DEUP1: variants seen among roughly 807,000 people sequenced by gnomAD.
The protein encoded by DEUP1 is deuterosome assembly protein 1.
Under a neutral mutation model 87.4 loss-of-function variants are expected in DEUP1, and 82 were observed. That is an observed-to-expected ratio of 0.94 (90% CI 0.78 to 1.13). The LOEUF (loss-of-function observed/expected upper bound fraction) is 1.13, where lower values mean the gene tolerates loss of function less well. Among genes scored for constraint, DEUP1 ranks in the 50% most tolerant of loss-of-function variants. The probability of loss-of-function intolerance (pLI) is 0.00; values close to 1 mark genes in which losing one functional copy is unlikely to be tolerated. For synonymous variants in DEUP1, 214 were observed against 222.7 expected, an observed-to-expected ratio of 0.96 and a Z score of 0.35; for missense variants, 663 against 681.5, an observed-to-expected ratio of 0.97 and a Z score of 0.30.
rs1945306862 is a variant in DEUP1, at chr11:93,364,200, A to G, written c.338A>G (p.His113Arg). 3 of 1,603,376 alleles carry G rather than the reference A, an allele frequency of 1.9e-6. No individual in the cohort carries two copies. Among genetic ancestry groups the G allele is most frequent in the Non-Finnish European group, 2.6e-6 (3 of 1,171,314 alleles). The change falls in exon 5 of 14, where the codon CAT (histidine) becomes CGT (arginine). Residue 113 changes from histidine to arginine, a missense_variant. His to Arg is a conservative substitution (Grantham distance 29, BLOSUM62 0). Transcript: ENST00000298050. ...LTNNFEKLRL[H>R]QMKQNKVPRK... is the part of the protein sequence containing the mutation. ...AATAACTTTGAAAAACTGAGATTAC[A>G]TCAGATGAAACAAAACAAAGTTCCA...
chr11:93,349,290 T>C (rs928540216), intron 2 of DEUP1, among the ~76,000 whole-genome samples: 2 of 152,120 alleles, frequency 1.3e-5, no homozygotes, highest in Admixed American at 6.5e-5. Flanking sequence ...AGCTCTACCA[T>C]TGGACCCCTC....
chr11:93,386,914 G>A (rs983098042), intron 8 of DEUP1, among the ~76,000 whole-genome samples: 2 of 152,180 alleles, frequency 1.3e-5, no homozygotes, highest in Non-Finnish European at 2.9e-5. Flanking sequence ...TTTGTGAAGA[G>A]CATTGTAGGT....
chr11:93,394,466 GC>G lies in DEUP1; in HGVS notation c.1051del (p.Gln351AsnfsTer16). 6.4e-7 allele frequency: 1 copy of G among 1,562,816 alleles called. No individual in the cohort carries two copies. Among genetic ancestry groups the G allele is most frequent in the Non-Finnish European group, 8.6e-7 (1 of 1,159,894 alleles). On this transcript the variant is annotated frameshift_variant, in exon 10 of 14. Transcript: ENST00000298050. LOFTEE classifies it high-confidence loss of function. ...NHEKELNKIR[S>X]QLQQVEEYHN... is the part of the protein sequence containing the mutation. ...AGTCTCTATCTGCTGCAGATAAGAA[GC>G]CAACTCCAACAGGTGGAAGAGTACC...
At chr11:93,375,425 G>A (rs915947799) in intron 7 of DEUP1, among the ~76,000 whole-genome samples, 60 of 152,162 alleles carry the variant, frequency 3.9e-4, no homozygotes, top group Middle Eastern at 3.4e-3. Flanking sequence ...TGGGTTTGTC[G>A]TAGATGGCTT....
chr11:93,336,002 A>G (rs1380478532), intron 2 of DEUP1, among the ~76,000 whole-genome samples: 1 of 152,126 alleles, frequency 6.6e-6, no homozygotes, highest in Non-Finnish European at 1.5e-5. Context: ...AATACCAGCT[A>G]CTCAGGAGGC....
intron 7 of DEUP1, chr11:93,383,401 A>G (rs1212296407): frequency 4.7e-6 from 2 of 427,886 alleles, no homozygotes; most frequent in Non-Finnish European, 8.3e-6. Flanking sequence ...TTTGTATGAA[A>G]CATCTAGAAT....
intron 11 of DEUP1, among the ~76,000 whole-genome samples, chr11:93,406,000 T>TAGA (rs1947265919): frequency 6.6e-6 from 1 of 151,976 alleles, no homozygotes; most frequent in Non-Finnish European, 1.5e-5. Flanking sequence ...ATCTGAGGAG[T>TAGA]AGAAAGAACT....
chr11:93,366,421 A>G (rs1945419247), intron 5 of DEUP1, among the ~76,000 whole-genome samples: 1 of 152,174 alleles, frequency 6.6e-6, no homozygotes, highest in Non-Finnish European at 1.5e-5. Flanking sequence ...ACCCTGATCC[A>G]CTCTAAACCT....
intron 9 of DEUP1, among the ~76,000 whole-genome samples, chr11:93,391,988 T>C (rs1439801826): frequency 6.6e-6 from 1 of 152,172 alleles, no homozygotes; most frequent in Non-Finnish European, 1.5e-5. Context: ...TGAGGTTCGA[T>C]CATGTGATTT....
chr11:93,343,245 T>G (rs1323673500), intron 2 of DEUP1, among the ~76,000 whole-genome samples: 1 of 152,204 alleles, frequency 6.6e-6, no homozygotes, highest in Non-Finnish European at 1.5e-5. Context: ...CCCTGTGGGA[T>G]CCAATGAAAC....
Position 93,377,151 on chromosome 11 carries a change from A to T in DEUP1, c.789+5871A>T, listed in dbSNP as rs367886934. Among the ~76,000 whole-genome samples, 9 of 152,276 alleles carry T rather than the reference A, an allele frequency of 5.9e-5. No homozygotes were observed. In the East Asian group the frequency reaches 1.5e-3, roughly 26 times the overall value. On this transcript the variant is annotated intron_variant, in intron 7 of 13. Coordinates refer to ENST00000298050, the MANE Select transcript of DEUP1 (RefSeq NM_181645.4). ...TCCATTTGTTCTAGGGTATCATTTAAGTCCATTGTTTCTTGGTTGACTTTC... is the reference window on the plus strand; with the variant it reads ...TCCATTTGTTCTAGGGTATCATTTATGTCCATTGTTTCTTGGTTGACTTTC...
chr11:93,355,259 A>G, intron 2 of DEUP1, 112 bp from the exon 3 acceptor site: 1 of 972,732 alleles, frequency 1.0e-6, no homozygotes, highest in Non-Finnish European at 1.5e-6. Context: ...CTATTTAAAT[A>G]ATTGAACAAT....
At chr11:93,416,156 G>C (rs1947618139) in intron 13 of DEUP1, among the ~76,000 whole-genome samples, 1 of 152,248 alleles carries the variant, frequency 6.6e-6, no homozygotes, top group South Asian at 2.1e-4. Context: ...GCAAAAGCTA[G>C]CAGAAGGCAA....
intron 4 of DEUP1, among the ~76,000 whole-genome samples, chr11:93,359,677 G>T (rs191874017): frequency 6.6e-6 from 1 of 152,226 alleles, no homozygotes; most frequent in Admixed American, 6.5e-5. Flanking sequence ...CCAGCCAAAA[G>T]ACCAGAAGAG....
chr11:93,390,316 C>G (rs1431255620), intron 9 of DEUP1, among the ~76,000 whole-genome samples: 1 of 152,026 alleles, frequency 6.6e-6, no homozygotes, highest in Non-Finnish European at 1.5e-5. Context: ...TGTTGAGTAT[C>G]TAGGAGAACT....
intron 13 of DEUP1, 26 bp downstream of exon 13, chr11:93,415,140 T>C (rs1229017937): frequency 3.7e-6 from 5 of 1,363,008 alleles, no homozygotes; most frequent in Non-Finnish European, 5.2e-6. Context: ...TGGGCTTTTT[T>C]TTTCTTTAAT....
chr11:93,404,024 A>G (rs1008570473), intron 11 of DEUP1, among the ~76,000 whole-genome samples: 1 of 152,020 alleles, frequency 6.6e-6, no homozygotes, highest in Non-Finnish European at 1.5e-5. Context: ...TTTCTAACCA[A>G]TTATAGCTTT....
chr11:93,343,249 A>G (rs972883130), intron 2 of DEUP1, among the ~76,000 whole-genome samples: 1 of 152,198 alleles, frequency 6.6e-6, no homozygotes, highest in Non-Finnish European at 1.5e-5. Flanking sequence ...GTGGGATCCA[A>G]TGAAACAGCC....
At chr11:93,354,827 G>A (rs1438661491) in intron 2 of DEUP1, among the ~76,000 whole-genome samples, 1 of 152,154 alleles carries the variant, frequency 6.6e-6, no homozygotes, top group Non-Finnish European at 1.5e-5. Flanking sequence ...AATTCAAGTT[G>A]AGATTTTGGT....
Sources: allele counts gnomAD v4.1 joint callset (sites outside exome capture counted in the v4.1 genomes callset), GRCh38; gene constraint gnomAD v4.1.1; transcripts MANE v1.5; gene names NCBI Gene and HGNC (gene_info 2026-07-23, HGNC 2026-07-21).